KCNQ5: variants seen among roughly 807,000 people sequenced by gnomAD.
KCNQ5 encodes potassium voltage-gated channel subfamily KQT member 5.
In KCNQ5, 30 loss-of-function variants were observed where a neutral mutation model predicts 98.2. That is an observed-to-expected ratio of 0.31 (90% CI 0.23 to 0.41). The LOEUF (loss-of-function observed/expected upper bound fraction) is 0.41. KCNQ5 is among the 10% of genes least tolerant of loss of function. KCNQ5 has a pLI of 1.00. For synonymous variants in KCNQ5, 458 were observed against 449.4 expected, an observed-to-expected ratio of 1.02 and a Z score of -0.24; for missense variants, 835 against 1,182.5, an observed-to-expected ratio of 0.71 and a Z score of 4.31.
At chr6:72,904,616 T>C (rs1431525438) in intron 1 of KCNQ5, among the ~76,000 whole-genome samples, 2 of 152,176 alleles carry the variant, frequency 1.3e-5, no homozygotes, top group African/African-American at 4.8e-5. Flanking sequence ...CTTTCCTTCA[T>C]ATATGAAGCT....
At chr6:73,162,992 G>A (rs571710255) in intron 10 of KCNQ5, among the ~76,000 whole-genome samples, 7 of 152,316 alleles carry the variant, frequency 4.6e-5, no homozygotes, top group African/African-American at 1.7e-4. Flanking sequence ...GCTGCCTTGT[G>A]CCCTCTGCTG....
chr6:72,947,589 T>G (rs1256667413), intron 1 of KCNQ5, among the ~76,000 whole-genome samples: 1 of 152,116 alleles, frequency 6.6e-6, no homozygotes, highest in Admixed American at 6.6e-5. Context: ...GAAATTCAAT[T>G]CTGATAGATA....
chr6:72,844,531 G>C (rs1201690349), intron 1 of KCNQ5, among the ~76,000 whole-genome samples: 1 of 152,128 alleles, frequency 6.6e-6, no homozygotes, highest in African/African-American at 2.4e-5. Flanking sequence ...AATTCAAACT[G>C]TACATATCAC....
intron 3 of KCNQ5, among the ~76,000 whole-genome samples, chr6:73,064,657 G>T (rs1280820392): frequency 6.6e-6 from 1 of 152,056 alleles, no homozygotes; most frequent in African/African-American, 2.4e-5. Context: ...TGGTATCAAC[G>T]TGCAAAATTG....
At chr6:73,130,640 A>G (rs1370190367) in intron 9 of KCNQ5, among the ~76,000 whole-genome samples, 1 of 152,230 alleles carries the variant, frequency 6.6e-6, no homozygotes, top group African/African-American at 2.4e-5. Flanking sequence ...GTTTCAGTGA[A>G]GAGTCTATAT....
intron 1 of KCNQ5, among the ~76,000 whole-genome samples, chr6:73,003,040 T>A (rs1562121614): frequency 6.6e-6 from 1 of 151,680 alleles, no homozygotes; most frequent in Non-Finnish European, 1.5e-5. Context: ...GTAAAAAATA[T>A]GACCTAGAGC....
chr6:73,042,524 G>T (rs1045286109), intron 3 of KCNQ5, among the ~76,000 whole-genome samples: 4 of 152,170 alleles, frequency 2.6e-5, no homozygotes, highest in Non-Finnish European at 4.4e-5. Flanking sequence ...GGAATAGATA[G>T]CCATACATTG....
chr6:72,704,106 T>C (rs1768956917), intron 1 of KCNQ5, among the ~76,000 whole-genome samples: 1 of 152,188 alleles, frequency 6.6e-6, no homozygotes, highest in African/African-American at 2.4e-5. Flanking sequence ...TTAACAACAG[T>C]TTCTGTTCTA....
Position 73,082,719 on chromosome 6 carries a change from T to C in KCNQ5, c.918+4832T>C, listed in dbSNP as rs935166754. On this transcript the variant is annotated intron_variant, in intron 5 of 13. Transcript: ENST00000370398. Reference sequence around the variant, plus strand: ...ATTTGTTTTAGAATAGAGTAGAAGCTCTCAGAACTTATTTCCTCTTCACTG... The same window carrying C: ...ATTTGTTTTAGAATAGAGTAGAAGCCCTCAGAACTTATTTCCTCTTCACTG... 2.6e-5 allele frequency among the ~76,000 whole-genome samples: 4 copies of C among 152,234 alleles called. No homozygotes were observed. In the East Asian group the frequency reaches 7.7e-4, roughly 29 times the overall value.
intron 1 of KCNQ5, among the ~76,000 whole-genome samples, chr6:72,922,810 CTT>C (rs369263359): frequency 2.7e-3 from 281 of 103,808 alleles, no homozygotes; most frequent in Admixed American, 4.4e-3. Context: ...TTTTCTTTTT[CTT>C]TTTTTTTTTT....
At chr6:72,828,578 G>C (rs2150121240) in intron 1 of KCNQ5, among the ~76,000 whole-genome samples, 1 of 152,046 alleles carries the variant, frequency 6.6e-6, no homozygotes, top group Non-Finnish European at 1.5e-5. Flanking sequence ...TCTGTATCCT[G>C]CAACTTTACT....
intron 1 of KCNQ5, among the ~76,000 whole-genome samples, chr6:72,892,649 G>A (rs560865394): frequency 1.3e-5 from 2 of 151,866 alleles, no homozygotes; most frequent in South Asian, 4.1e-4. Flanking sequence ...AAAGCAATTT[G>A]CAGACCGACA....
chr6:72,829,174 G>C (rs920926874), intron 1 of KCNQ5, among the ~76,000 whole-genome samples: 1 of 152,112 alleles, frequency 6.6e-6, no homozygotes, highest in East Asian at 1.9e-4. Flanking sequence ...TGCTCCAAGA[G>C]CCCCAATATG....
chr6:73,002,237 G>C (rs549775848), intron 1 of KCNQ5, among the ~76,000 whole-genome samples: 2 of 152,116 alleles, frequency 1.3e-5, no homozygotes, highest in Non-Finnish European at 2.9e-5. Context: ...GTTTAGAATG[G>C]CAACCCCTTT....
rs533269101 is a variant in KCNQ5, at chr6:72,689,637, A to G, written c.398+67050A>G. Among the ~76,000 whole-genome samples, 3 of 152,360 alleles carry G rather than the reference A, an allele frequency of 2.0e-5. No homozygotes were observed. The South Asian group carries it at 6.2e-4, about 32-fold the overall frequency. On this transcript the variant is annotated intron_variant, in intron 1 of 13. Transcript: ENST00000370398. ...TGGAAGATTATATATACTTATACCC[A>G]CAAAGTATTAGGCAAATGGTAAAAG...
intron 1 of KCNQ5, among the ~76,000 whole-genome samples, chr6:72,939,688 G>A (rs1317538): frequency 0.54 from 82,623 of 151,954 alleles, 22,736 homozygotes; most frequent in East Asian, 0.65. Context: ...ACACATACTT[G>A]TCAGGCCTTA....
intron 1 of KCNQ5, among the ~76,000 whole-genome samples, chr6:72,945,690 A>T (rs552024935): frequency 6.6e-6 from 1 of 152,122 alleles, no homozygotes; most frequent in South Asian, 2.1e-4. Context: ...TCTGGCCTCA[A>T]GTGATCTGCC....
chr6:72,651,069 T>C (rs565359961), intron 1 of KCNQ5, among the ~76,000 whole-genome samples: 1 of 152,166 alleles, frequency 6.6e-6, no homozygotes, highest in Admixed American at 6.6e-5. Context: ...TGTGTGGAGG[T>C]AAAGTATGAG....
chr6:72,892,887 A>G (rs1183063666), intron 1 of KCNQ5, among the ~76,000 whole-genome samples: 1 of 152,040 alleles, frequency 6.6e-6, no homozygotes, highest in East Asian at 1.9e-4. Context: ...ATAACAAATT[A>G]TATTGTTTAT....
Sources: allele counts gnomAD v4.1 joint callset (sites outside exome capture counted in the v4.1 genomes callset), GRCh38; gene constraint gnomAD v4.1.1; transcripts MANE v1.5; gene names NCBI Gene and HGNC (gene_info 2026-07-23, HGNC 2026-07-21).